Variants in PLEKHA5 observed in about 807,000 individuals in gnomAD.
The protein encoded by PLEKHA5 is pleckstrin homology domain containing A5, also known as pleckstrin homology domain-containing family A member 5.
In PLEKHA5, 55 loss-of-function variants were observed where a neutral mutation model predicts 181.9. The ratio of observed to expected loss-of-function variants is 0.30; its 90% confidence interval spans 0.24 to 0.38. PLEKHA5 has a LOEUF of 0.38. PLEKHA5 is among the 10% of genes least tolerant of loss of function. The pLI is 1.00. For missense variants in PLEKHA5, 1,432 were observed against 1,549.5 expected (o/e 0.92, Z 1.27); for synonymous variants, 535 against 529.4 (o/e 1.01, Z -0.15).
rs1216835423 is a variant in PLEKHA5 at position 19,291,640 on chromosome 12, C to T, written c.1984-4C>T. 2.0e-6 allele frequency: 3 copies of T among 1,498,774 alleles called. No homozygotes were observed. Among genetic ancestry groups the T allele is most frequent in the South Asian group, 1.2e-5 (1 of 82,432 alleles). 92.8% of individuals were successfully genotyped at this position (1,498,774 alleles called of 1,614,324 possible). On this transcript the variant is annotated splice_region_variant and splice_polypyrimidine_tract_variant and intron_variant, in intron 14 of 31. Coordinates refer to ENST00000429027, the MANE Select transcript of PLEKHA5 (RefSeq NM_001256470.2). The stretch of plus-strand genomic sequence containing the variant: ...TCCCTTTTTTCTTAATTGGTGCCTA[C>T]TAGAATGAAATTCTTTCACATCATC...
chr12:19,308,480 G>C (rs1345034619), intron 15 of PLEKHA5, among the ~76,000 whole-genome samples: 2 of 152,092 alleles, frequency 1.3e-5, no homozygotes, highest in Non-Finnish European at 2.9e-5. Flanking sequence ...TTTACTATTG[G>C]CGCTGCTTCA....
chr12:19,233,927 A>G (rs903998658), intron 3 of PLEKHA5, among the ~76,000 whole-genome samples: 3 of 152,226 alleles, frequency 2.0e-5, no homozygotes, highest in Non-Finnish European at 4.4e-5. Flanking sequence ...GTAGTGGAGC[A>G]TTGATCCGCA....
chr12:19,345,395 G>A (rs2094253194), intron 22 of PLEKHA5, among the ~76,000 whole-genome samples: 1 of 146,690 alleles, frequency 6.8e-6, no homozygotes. Flanking sequence ...GCGAAACTCT[G>A]TCTCAAAAAA....
chr12:19,358,195 T>C (rs1163077090), intron 26 of PLEKHA5, 33 bp from the exon 27 acceptor site: 5 of 1,405,110 alleles, frequency 3.6e-6, no homozygotes, highest in African/African-American at 1.4e-5. Flanking sequence ...AAGTTTTCAT[T>C]TATGTATTGA....
intron 5 of PLEKHA5, among the ~76,000 whole-genome samples, chr12:19,256,758 CT>C (rs887245918): frequency 2.0e-5 from 3 of 152,124 alleles, no homozygotes; most frequent in Non-Finnish European, 2.9e-5. Context: ...TTGTTTTCAT[CT>C]TTGTTGGTCA....
intron 3 of PLEKHA5, among the ~76,000 whole-genome samples, chr12:19,139,013 G>A (rs2036516156): frequency 1.3e-5 from 2 of 152,172 alleles, no homozygotes; most frequent in Non-Finnish European, 2.9e-5. Flanking sequence ...GATTGGACAG[G>A]AGCAAAGTGG....
At chr12:19,306,162 T>C (rs2083461437) in intron 15 of PLEKHA5, among the ~76,000 whole-genome samples, 1 of 152,164 alleles carries the variant, frequency 6.6e-6, no homozygotes. Flanking sequence ...ATTTTCTAGA[T>C]AGTTTTTCTA....
At chr12:19,280,891 A>G (rs1435587400) in intron 11 of PLEKHA5, among the ~76,000 whole-genome samples, 2 of 151,768 alleles carry the variant, frequency 1.3e-5, no homozygotes, top group Admixed American at 1.3e-4. Flanking sequence ...TTGTATTTTT[A>G]GTAGAGACAG....
At chr12:19,285,403 C>T (rs2077008313) in intron 12 of PLEKHA5, among the ~76,000 whole-genome samples, 1 of 152,182 alleles carries the variant, frequency 6.6e-6, no homozygotes. Context: ...TACTGCTACT[C>T]CCAAAAGACT....
chr12:19,336,037 G>T (rs950159387), intron 20 of PLEKHA5, among the ~76,000 whole-genome samples: 2 of 152,134 alleles, frequency 1.3e-5, no homozygotes, highest in Non-Finnish European at 2.9e-5. Context: ...TGGTTTGGGG[G>T]TGATTTTTTT....
At chr12:19,318,157 C>T (rs1408267796) in intron 16 of PLEKHA5, among the ~76,000 whole-genome samples, 1 of 151,534 alleles carries the variant, frequency 6.6e-6, no homozygotes, top group Non-Finnish European at 1.5e-5. Context: ...TTTTCTTATG[C>T]TTTTATTCTG....
intron 3 of PLEKHA5, among the ~76,000 whole-genome samples, chr12:19,237,749 G>C (rs2061635256): frequency 6.6e-6 from 1 of 151,832 alleles, no homozygotes; most frequent in East Asian, 1.9e-4. Context: ...ATTAATTGTA[G>C]AGGCCAGGCA....
rs554413001 is a variant in PLEKHA5 at position 19,292,263 on chromosome 12, G to A, written c.2037+566G>A. Among the ~76,000 whole-genome samples, 61 of 152,082 alleles carry A rather than the reference G, an allele frequency of 4.0e-4. 1 individual carries two copies. The highest frequency in any genetic ancestry group is 7.4e-4 in the Non-Finnish European group (50 of 68,012). On this transcript the variant is annotated intron_variant, in intron 15 of 31. Coordinates refer to ENST00000429027, the MANE Select transcript of PLEKHA5 (RefSeq NM_001256470.2). ...TCTACTAAAAATACAAAAATGAGCC[G>A]GGCGTCACAGTGAACGTCTGTAATC... is the stretch of plus-strand genomic sequence containing the variant.
chr12:19,261,684 CCTT>C (rs1341343100), intron 7 of PLEKHA5, among the ~76,000 whole-genome samples: 1 of 152,128 alleles, frequency 6.6e-6, no homozygotes, highest in African/African-American at 2.4e-5. Context: ...GATAATCTCT[CCTT>C]CTTCTCTACT....
chr12:19,364,713 G>A (rs527831499), intron 29 of PLEKHA5, among the ~76,000 whole-genome samples: 12 of 151,502 alleles, frequency 7.9e-5, no homozygotes, highest in South Asian at 2.1e-4. Context: ...CCAGGCTGGC[G>A]TGCAGTGGCG....
chr12:19,190,079 G>T (rs1176569364), intron 3 of PLEKHA5, among the ~76,000 whole-genome samples: 3 of 152,062 alleles, frequency 2.0e-5, no homozygotes, highest in Non-Finnish European at 4.4e-5. Flanking sequence ...TTATTATTCA[G>T]CTGAGTCTTA....
rs536773081 is a variant in PLEKHA5 at position 19,366,403 on chromosome 12, C to G, written c.3754+294C>G. Among the ~76,000 whole-genome samples the G allele has an allele frequency of 2.1e-3, 324 of 152,112 alleles. 1 individual carries two copies. The highest frequency in any genetic ancestry group is 4.0e-3 in the Non-Finnish European group (271 of 67,994). On this transcript the variant is annotated intron_variant, in intron 30 of 31. Coordinates refer to ENST00000429027, the MANE Select transcript of PLEKHA5 (RefSeq NM_001256470.2). ...GGGTGCGGTGGCTCACACCTGTAAT[C>G]CAGCATTTTGGGAGGCCGAGGCAGG...
intron 25 of PLEKHA5, among the ~76,000 whole-genome samples, chr12:19,352,816 G>C (rs2094679510): frequency 6.6e-6 from 1 of 151,672 alleles, no homozygotes; most frequent in African/African-American, 2.4e-5. Context: ...AAGGAGACAA[G>C]TTCTTACTTG....
At chr12:19,261,651 T>C (rs1270294931) in intron 7 of PLEKHA5, among the ~76,000 whole-genome samples, 3 of 152,226 alleles carry the variant, frequency 2.0e-5, no homozygotes, top group Non-Finnish European at 2.9e-5. Context: ...CTGTCTCAGC[T>C]ATAGTATAAA....
Sources: allele counts gnomAD v4.1 joint callset (sites outside exome capture counted in the v4.1 genomes callset), GRCh38; gene constraint gnomAD v4.1.1; transcripts MANE v1.5; gene names NCBI Gene and HGNC (gene_info 2026-07-23, HGNC 2026-07-21).